Variants in CUBN observed in about 807,000 individuals in gnomAD.
The protein encoded by CUBN is 460 kDa receptor.
CUBN carries 282 observed loss-of-function variants against 405.3 expected under a neutral mutation model. The ratio of observed to expected loss-of-function variants is 0.70; its 90% CI spans 0.63 to 0.77. CUBN has a LOEUF of 0.77. CUBN is among the 30% of genes least tolerant of loss of function. CUBN has a pLI of 0.00. For synonymous variants in CUBN, 1,684 were observed against 1,617.0 expected (o/e 1.04, Z -0.99); for missense variants, 4,514 against 4,475.2 (o/e 1.01, Z -0.25).
At chr10:17,076,531 T>C (rs115760403) in intron 17 of CUBN, among the ~76,000 whole-genome samples, 1 of 150,946 alleles carries the variant, frequency 6.6e-6, no homozygotes, top group Non-Finnish European at 1.5e-5. Flanking sequence ...TGAACTGGGA[T>C]GGATGGCATT....
chr10:16,890,228 G>C (rs971959025), intron 55 of CUBN, 143 bp downstream of exon 55: 3 of 768,190 alleles, frequency 3.9e-6, no homozygotes, highest in Non-Finnish European at 6.8e-6. Flanking sequence ...TGGAAGAAAG[G>C]TGTCTTCTTG....
chr10:16,969,505 C>T (rs1418237777), intron 31 of CUBN, among the ~76,000 whole-genome samples: 2 of 152,130 alleles, frequency 1.3e-5, no homozygotes, highest in Admixed American at 6.5e-5. Flanking sequence ...CAGGTATGCA[C>T]CACAAAACCC....
chr10:16,902,692 T>C (rs1454367300), intron 51 of CUBN, among the ~76,000 whole-genome samples: 1 of 152,134 alleles, frequency 6.6e-6, no homozygotes, highest in Non-Finnish European at 1.5e-5. Context: ...TTTTGATTCA[T>C]AGCAAACTCA....
At chr10:16,913,693 C>G (rs1564420357) in intron 48 of CUBN, 118 bp downstream of exon 48, 1 of 1,120,360 alleles carries the variant, frequency 8.9e-7, no homozygotes, top group Non-Finnish European at 1.3e-6. Flanking sequence ...TAGAATTTGT[C>G]TGAGTTATAG....
At chr10:16,992,456 C>T (rs1353198013) in intron 28 of CUBN, among the ~76,000 whole-genome samples, 2 of 152,160 alleles carry the variant, frequency 1.3e-5, no homozygotes, top group East Asian at 3.9e-4. Flanking sequence ...GCATTTTTCA[C>T]ATAACATTAA....
At chr10:17,039,069 A>G (rs570334360) in intron 27 of CUBN, among the ~76,000 whole-genome samples, 80 of 140,720 alleles carry the variant, frequency 5.7e-4, no homozygotes, top group Non-Finnish European at 9.6e-4. Flanking sequence ...GAAATGTTTC[A>G]TCTCTTTCCT....
intron 31 of CUBN, among the ~76,000 whole-genome samples, chr10:16,960,607 T>G (rs1463858474): frequency 6.6e-6 from 1 of 152,226 alleles, no homozygotes; most frequent in African/African-American, 2.4e-5. Flanking sequence ...AAATGTTTGA[T>G]GAACAAATGA....
chr10:17,084,501 A>T, intron 16 of CUBN, 40 bp from the exon 17 acceptor site: 1 of 1,577,400 alleles, frequency 6.3e-7, no homozygotes, highest in Non-Finnish European at 8.7e-7. Context: ...TGGCAATGGC[A>T]TTGCTCTGGC....
chr10:16,840,993 T>G lies in CUBN; in HGVS notation c.9718A>C (p.Thr3240Pro). 1 of 1,614,152 alleles carries G rather than the reference T, an allele frequency of 6.2e-7. No homozygotes were observed. The highest frequency in any genetic ancestry group is 8.5e-7 in the Non-Finnish European group (1 of 1,180,006). Residue 3240 changes from threonine to proline, a missense_variant, in exon 61 of 67, where the codon ACA (threonine) becomes CCA (proline). This residue lies in a region of CUBN where 1,186 missense variants were observed against 1,186.9 expected (regional missense o/e 1.00). Coordinates refer to ENST00000377833, the MANE Select transcript of CUBN (RefSeq NM_001081.4). The part of the protein sequence containing the change: ...ANLAGTFCGS[T>P]VPAPFISSGN... ...GAAGAGATAAAAGGAGCAGGTACTG[T>G]GGAACCACAAAACGTTCCAGCCAAG...
chr10:16,977,385 A>T (rs1833129904), intron 31 of CUBN, among the ~76,000 whole-genome samples: 1 of 152,202 alleles, frequency 6.6e-6, no homozygotes, highest in Non-Finnish European at 1.5e-5. Context: ...GAGGAGCAGA[A>T]GAGCAGTACA....
At chr10:17,109,760 T>G in intron 9 of CUBN, 25 bp from the exon 10 acceptor site, 1 of 1,575,604 alleles carries the variant, frequency 6.3e-7, no homozygotes, top group Non-Finnish European at 8.7e-7. Context: ...AGCCAGGTCA[T>G]AAGAAACAAT....
Position 17,052,789 on chromosome 10 carries a change from A to G in CUBN, c.3140-5186T>C, listed in dbSNP as rs1835303123. 2.2e-5 allele frequency among the ~76,000 whole-genome samples: 3 copies of G among 139,092 alleles called. 1 individual carries two copies. The highest frequency in any genetic ancestry group is 4.8e-4 in the South Asian group (2 of 4,194). 91.2% of individuals were successfully genotyped at this position (139,092 alleles called of 152,430 possible). A position where few individuals can be genotyped will look rare whatever the true frequency, so the allele number is the denominator to read the frequency against. On this transcript the variant is annotated intron_variant, in intron 22 of 66. Transcript: ENST00000377833. ...AAAAAAAAAAAAAAAAAAAAAAAAG[A>G]GAGAGAGAGAGAGAGAATTAGTGAT...
At chr10:16,983,416 G>C (rs1336000349) in intron 30 of CUBN, among the ~76,000 whole-genome samples, 2 of 152,164 alleles carry the variant, frequency 1.3e-5, no homozygotes, top group Non-Finnish European at 2.9e-5. Context: ...ACGTTTTCTA[G>C]CTGTGGAACT....
At chr10:17,020,961 A>T (rs1190901430) in intron 27 of CUBN, among the ~76,000 whole-genome samples, 1 of 152,172 alleles carries the variant, frequency 6.6e-6, no homozygotes, top group East Asian at 1.9e-4. Context: ...AGTTTATACC[A>T]ACCTATCCTC....
chr10:16,897,270 T>C (rs1417293677), intron 54 of CUBN, among the ~76,000 whole-genome samples: 2 of 151,964 alleles, frequency 1.3e-5, no homozygotes, highest in African/African-American at 2.4e-5. Context: ...TTGGGTCCTA[T>C]TCAAATCTTT....
rs188990433 is a variant in CUBN, at chr10:16,908,045, G to A, written c.7534-366C>T. 1.3e-3 allele frequency among the ~76,000 whole-genome samples: 193 copies of A among 152,326 alleles called. 1 individual carries two copies. The highest frequency in any genetic ancestry group is 4.4e-3 in the African/African-American group (183 of 41,558). On this transcript the variant is annotated intron_variant, in intron 48 of 66. Transcript: ENST00000377833. ...CTGATGGGCAGTTTTTCTTAACAATGCATCAGGACATTTGTTACTTGGAAG... is the reference window on the plus strand; with the variant it reads ...CTGATGGGCAGTTTTTCTTAACAATACATCAGGACATTTGTTACTTGGAAG...
At chr10:17,037,227 A>G (rs1453844717) in intron 27 of CUBN, among the ~76,000 whole-genome samples, 1 of 152,192 alleles carries the variant, frequency 6.6e-6, no homozygotes, top group Non-Finnish European at 1.5e-5. Context: ...CTTGTTTGAC[A>G]TTTTTATCAA....
rs183707122 is a variant in CUBN at position 17,080,967 on chromosome 10, T to C, written c.2301+3304A>G. Among the ~76,000 whole-genome samples, 16 of 152,258 alleles carry C rather than the reference T, an allele frequency of 1.1e-4. 1 individual carries two copies. The highest frequency in any genetic ancestry group is 3.4e-3 in the Middle Eastern group (1 of 294). Reference sequence around the variant, plus strand: ...GTAGCCATGTCACATCTTCCATGGGTAATGTATATCTTTAAAAGTAGAAAC... The same window carrying C: ...GTAGCCATGTCACATCTTCCATGGGCAATGTATATCTTTAAAAGTAGAAAC... On this transcript the variant is annotated intron_variant, in intron 17 of 66. Transcript: ENST00000377833.
intron 4 of CUBN, among the ~76,000 whole-genome samples, chr10:17,124,828 T>TTTTG (rs575989006): frequency 7.2e-5 from 11 of 151,974 alleles, no homozygotes; most frequent in South Asian, 4.2e-4. Flanking sequence ...GGTATCGTTG[T>TTTTG]TTTGTTTGTT....
Sources: allele counts gnomAD v4.1 joint callset (sites outside exome capture counted in the v4.1 genomes callset), GRCh38; gene constraint gnomAD v4.1.1; regional missense constraint gnomAD v4.1.1; transcripts MANE v1.5; gene names NCBI Gene and HGNC (gene_info 2026-07-23, HGNC 2026-07-21).